The following SF3A3 variants were observed in gnomAD, a reference collection of about 807,000 sequenced individuals.
SF3A3 encodes the protein splicing factor 3a subunit 3.
In SF3A3, 9 loss-of-function variants were observed where a neutral mutation model predicts 85.8. The observed-to-expected ratio is 0.10, with a 90% CI of 0.06 to 0.18. The LOEUF is 0.18. SF3A3 is among the 10% of genes least tolerant of loss of function. The pLI, the probability that SF3A3 is intolerant of heterozygous loss-of-function variation, is 1.00. For synonymous variants in SF3A3, 195 were observed against 204.4 expected (o/e 0.95, Z 0.39); for missense variants, 306 against 593.3 (o/e 0.52, Z 5.03).
chr1:37,969,247 C>T (rs4653342), intron 14 of SF3A3, 107 bp downstream of exon 14: 710,477 of 801,996 alleles, frequency 0.89, 315,623 homozygotes, highest in East Asian at 1. Context: ...CTCTGATTCC[C>T]TTCAGCTCTG....
At chr1:37,978,112 T>G (rs1570464934) in intron 11 of SF3A3, among the ~76,000 whole-genome samples, 1 of 151,756 alleles carries the variant, frequency 6.6e-6, no homozygotes, top group African/African-American at 2.4e-5. Flanking sequence ...CCAAGGCAGG[T>G]GGATCACTTA....
At chr1:37,970,924 C>T (rs982133511) in intron 12 of SF3A3, among the ~76,000 whole-genome samples, 1 of 152,098 alleles carries the variant, frequency 6.6e-6, no homozygotes, top group African/African-American at 2.4e-5. Context: ...AAAACTGACA[C>T]CCTAACATCA....
chr1:37,985,892 A>G (rs1646452932), intron 4 of SF3A3, among the ~76,000 whole-genome samples: 1 of 148,416 alleles, frequency 6.7e-6, no homozygotes, highest in South Asian at 2.1e-4. Flanking sequence ...TCAAATAAGT[A>G]TGCTTCTCTG....
chr1:37,986,280 T>C (rs1264921564), intron 4 of SF3A3, among the ~76,000 whole-genome samples: 4 of 152,050 alleles, frequency 2.6e-5, no homozygotes, highest in African/African-American at 9.7e-5. Context: ...CCATACTCCA[T>C]ACTTCTACTT....
At chr1:37,958,714 TCTATTTTATATATCAGAGTA>T (rs1646236565) in intron 16 of SF3A3, among the ~76,000 whole-genome samples, 1 of 152,172 alleles carries the variant, frequency 6.6e-6, no homozygotes, top group African/African-American at 2.4e-5. Context: ...TCTGCTTGAT[TCTATTTTATATATCAGAGTA>T]CTATATTACA....
rs746863308 is a variant in SF3A3 at position 37,989,985 on chromosome 1, C to T, written c.-20G>A. The stretch of plus-strand genomic sequence containing the variant: ...CTCCATCTTCCCTTAGTCGCGGCTT[C>T]TCAATTCAGACCACCAACACGGCCG... On this transcript the variant is annotated 5_prime_UTR_variant, in exon 1 of 17. Transcript: ENST00000373019. The T allele has an allele frequency of 1.9e-6, 3 of 1,584,852 alleles. No individual in the cohort carries two copies. The highest frequency in any genetic ancestry group is 2.2e-5 in the East Asian group (1 of 44,750).
At chr1:37,958,300 C>G in intron 16 of SF3A3, 37 bp from the exon 17 acceptor site, 1 of 1,453,046 alleles carries the variant, frequency 6.9e-7, no homozygotes, top group Non-Finnish European at 9.7e-7. Context: ...AGACAGCTCT[C>G]CTAAAAGAAA....
At chr1:37,965,795 T>G (rs1028840963) in intron 15 of SF3A3, among the ~76,000 whole-genome samples, 38 of 113,292 alleles carry the variant, frequency 3.4e-4, no homozygotes, top group Admixed American at 2.2e-3. Flanking sequence ...TAAACATAAC[T>G]GAGAGTAAAG....
chr1:37,986,359 G>A (rs1261076677), intron 4 of SF3A3, among the ~76,000 whole-genome samples: 3 of 152,136 alleles, frequency 2.0e-5, no homozygotes, highest in Non-Finnish European at 4.4e-5. Context: ...AGCAATCCTG[G>A]CAGATATAAA....
At position 37,979,456 on chromosome 1, in the gene SF3A3, GA is replaced by G. The variant is rs767373069; in HGVS notation, c.759+8del. On this transcript the variant is annotated splice_region_variant and intron_variant, in intron 9 of 16. Coordinates refer to ENST00000373019, the MANE Select transcript of SF3A3 (RefSeq NM_006802.4). ...AGAGAGAACACTACTACTGCTGAAG[GA>G]AACATACCTCCCAGGAGGAGAATGC... The G allele has an allele frequency of 1.2e-6, 2 of 1,605,468 alleles. No individual in the cohort carries two copies. Among genetic ancestry groups the G allele is most frequent in the Middle Eastern group, 1.7e-4 (1 of 6,060 alleles).
chr1:37,985,179 G>A (rs985969182), intron 4 of SF3A3, among the ~76,000 whole-genome samples: 2 of 152,192 alleles, frequency 1.3e-5, no homozygotes, highest in African/African-American at 4.8e-5. Context: ...GACTTCTGAT[G>A]ATTTATTTGG....
Position 37,986,655 on chromosome 1 carries a change from A to G in SF3A3, c.303+918T>C, listed in dbSNP as rs936707443. ...TGAAACCCTGTCTCAACTAAAAAAT[A>G]CATAAAATTAGCCAGGCGTGGTGGC... On this transcript the variant is annotated intron_variant, in intron 4 of 16. Coordinates refer to ENST00000373019, the MANE Select transcript of SF3A3 (RefSeq NM_006802.4). 4.6e-5 allele frequency among the ~76,000 whole-genome samples: 7 copies of G among 152,006 alleles called. No homozygotes were observed. The South Asian group carries it at 1.5e-3, about 32-fold the overall frequency.
At chr1:37,984,603 A>C in intron 5 of SF3A3, 104 bp downstream of exon 5, 1 of 848,920 alleles carries the variant, frequency 1.2e-6, no homozygotes, top group Non-Finnish European at 2.0e-6. Flanking sequence ...CAAAACCAGC[A>C]AGAAATCCTG....
chr1:37,967,331 G>A (rs1294423685), intron 15 of SF3A3, among the ~76,000 whole-genome samples: 1 of 150,516 alleles, frequency 6.6e-6, no homozygotes, highest in African/African-American at 2.4e-5. Context: ...ATCACCTGAG[G>A]TCGGGAGTTC....
intron 8 of SF3A3, 139 bp from the exon 9 acceptor site, chr1:37,979,672 A>G: frequency 1.7e-6 from 1 of 578,588 alleles, no homozygotes; most frequent in Non-Finnish European, 3.1e-6. Context: ...GCAGGGAAAC[A>G]TGGTGAAATC....
chr1:37,960,123 A>G lies in SF3A3; in HGVS notation c.1425T>C (p.Thr475=), dbSNP rs140559957. 1.1e-5 allele frequency: 18 copies of G among 1,613,658 alleles called. No individual in the cohort carries two copies. The highest frequency in any genetic ancestry group is 1.4e-5 in the Non-Finnish European group (16 of 1,179,800). Residue 475 remains threonine (T), a synonymous_variant, in exon 16 of 17, where the codon ACT becomes ACC. Coordinates refer to ENST00000373019, the MANE Select transcript of SF3A3 (RefSeq NM_006802.4). ...CACCATCCACATTAGTACCCACCTCAGTGTCAGGCTGCCATCGTTCTGAAG... is the reference window on the plus strand; with the variant it reads ...CACCATCCACATTAGTACCCACCTCGGTGTCAGGCTGCCATCGTTCTGAAG... ...QKASERWQPD[T]EEEYEDSSGN...
chr1:37,966,098 G>A lies in SF3A3; in HGVS notation c.1372+1946C>T, dbSNP rs553209038. On this transcript the variant is annotated intron_variant, in intron 15 of 16. Transcript: ENST00000373019. ...AGCGCTTGTAATTCCAGCTACTCGGGAGGCTGAGGCAGGAGAATCGCTTGG... is the reference window on the plus strand; with the variant it reads ...AGCGCTTGTAATTCCAGCTACTCGGAAGGCTGAGGCAGGAGAATCGCTTGG... 1.8e-4 allele frequency among the ~76,000 whole-genome samples: 28 copies of A among 152,212 alleles called. No individual in the cohort carries two copies. In the East Asian group the frequency reaches 5.2e-3, roughly 28 times the overall value.
chr1:37,981,943 G>GT (rs1166207489), intron 6 of SF3A3, 132 bp from the exon 7 acceptor site: 3 of 570,202 alleles, frequency 5.3e-6, no homozygotes, highest in African/African-American at 1.9e-5. Flanking sequence ...GCTAATTTTG[G>GT]TTTTTTTTGC....
intron 12 of SF3A3, among the ~76,000 whole-genome samples, chr1:37,972,539 A>T (rs148531976): frequency 0.021 from 3,133 of 152,284 alleles, 56 homozygotes; most frequent in Middle Eastern, 0.051. Flanking sequence ...GTTCACATGG[A>T]ACCAAAAAAG....
Sources: gnomAD v4.1 joint callset for allele counts (sites outside exome capture counted in the v4.1 genomes callset) on GRCh38, gnomAD v4.1.1 for gene constraint, MANE v1.5 for transcripts, NCBI Gene and HGNC (gene_info 2026-07-23, HGNC 2026-07-21) for gene names.